The following TOP1 variants were observed in gnomAD, a reference collection of about 807,000 sequenced individuals.
TOP1 encodes the protein DNA topoisomerase 1.
TOP1 carries 10 observed loss-of-function variants against 111.1 expected under a neutral mutation model. The ratio of observed to expected loss-of-function variants is 0.09; its 90% confidence interval spans 0.06 to 0.15. The LOEUF is 0.15. Ranked by LOEUF, TOP1 falls within the 10% of genes least tolerant of loss-of-function variation. TOP1 has a pLI of 1.00. For synonymous variants in TOP1, 271 were observed against 302.9 expected (o/e 0.89, Z 1.10); for missense variants, 474 against 926.7 (o/e 0.51, Z 6.34).
Position 41,032,057 on chromosome 20 carries a change from A to G in TOP1, c.58+2602A>G, listed in dbSNP as rs1308893602. Among the ~76,000 whole-genome samples, 1 of 152,236 alleles carries G rather than the reference A, an allele frequency of 6.6e-6. No individual in the cohort carries two copies. The highest frequency in any genetic ancestry group is 2.4e-5 in the African/African-American group (1 of 41,462). On this transcript the variant is annotated intron_variant, in intron 2 of 20. Transcript: ENST00000361337. The surrounding 1 kb of genome is among the most constrained non-coding windows in gnomAD (Gnocchi z 4.3). ...TGTAACTATGAAAAAAACTTTAAAA[A>G]AAGTAGAAATCAATGTTTAATTATG... is the stretch of plus-strand genomic sequence containing the variant.
intron 2 of TOP1, among the ~76,000 whole-genome samples, chr20:41,056,495 T>G (rs2033473023): frequency 6.6e-6 from 1 of 152,154 alleles, no homozygotes; most frequent in Non-Finnish European, 1.5e-5. Context: ...TAACTTTTAT[T>G]TGTGTTTTAG....
chr20:41,082,520 T>G lies in TOP1; in HGVS notation c.507+1280T>G, dbSNP rs1421029881. On this transcript the variant is annotated intron_variant, in intron 7 of 20. Coordinates refer to ENST00000361337, the MANE Select transcript of TOP1 (RefSeq NM_003286.4). The surrounding 1 kb of genome is among the most constrained non-coding windows in gnomAD (Gnocchi z 4.1). ...CAGTGCCAGCACACCAGCTACTATA[T>G]TATCCTACCTCCCCTGGGACTTTGC... 6.6e-6 allele frequency among the ~76,000 whole-genome samples: 1 copy of G among 152,196 alleles called. No homozygotes were observed. Among genetic ancestry groups the G allele is most frequent in the Non-Finnish European group, 1.5e-5 (1 of 68,018 alleles).
intron 2 of TOP1, among the ~76,000 whole-genome samples, chr20:41,033,888 T>C (rs1484959242): frequency 6.6e-6 from 1 of 152,166 alleles, no homozygotes; most frequent in Non-Finnish European, 1.5e-5. Flanking sequence ...TCCAGTAAAC[T>C]GTGTTTGCTT....
Position 41,101,429 on chromosome 20 carries a change from C to T in TOP1, c.1308+76C>T. On this transcript the variant is annotated intron_variant, in intron 13 of 20. Transcript: ENST00000361337. The surrounding 1 kb of genome is among the most constrained non-coding windows in gnomAD (Gnocchi z 4.1). Reference sequence around the variant, plus strand: ...TTTGTTGAAATGTAACGTTCTCGTCCTCTAGAATCACTTTGACAAATTAAA... The same window carrying T: ...TTTGTTGAAATGTAACGTTCTCGTCTTCTAGAATCACTTTGACAAATTAAA... The T allele has an allele frequency of 7.0e-7, 1 of 1,428,666 alleles. No homozygotes were observed. Among genetic ancestry groups the T allele is most frequent in the South Asian group, 1.4e-5 (1 of 72,024 alleles). 88.5% of individuals were successfully genotyped at this position (1,428,666 alleles called of 1,614,324 possible). A position where few individuals can be genotyped will look rare whatever the true frequency, so the allele number is the denominator to read the frequency against.
At chr20:41,053,886 G>A (rs1207560745) in intron 2 of TOP1, among the ~76,000 whole-genome samples, 1 of 152,054 alleles carries the variant, frequency 6.6e-6, no homozygotes, top group African/African-American at 2.4e-5. Context: ...AGGCTGAATT[G>A]TTAGGCATGG....
chr20:41,090,117 G>A (rs1475053707), intron 8 of TOP1, among the ~76,000 whole-genome samples: 2 of 152,192 alleles, frequency 1.3e-5, no homozygotes, highest in African/African-American at 2.4e-5. Context: ...GAGATTACAG[G>A]CGTGCACCAC....
chr20:41,052,663 C>A (rs1600560852), intron 2 of TOP1, among the ~76,000 whole-genome samples: 2 of 151,952 alleles, frequency 1.3e-5, no homozygotes, highest in South Asian at 4.2e-4. Flanking sequence ...TCTAGAGTTA[C>A]AAGAAGTTAG....
rs2034285714 is a variant in TOP1 at position 41,113,875 on chromosome 20, G to A, written c.1453-95G>A. On this transcript the variant is annotated intron_variant, in intron 14 of 20. Transcript: ENST00000361337. ...TCTAGCCTGGCGACAGAGCGAGACT[G>A]TCTCAAAAAAAAAAAAAAAAAAAAC... is the stretch of plus-strand genomic sequence containing the variant. 3 of 944,380 alleles carry A rather than the reference G, an allele frequency of 3.2e-6. No individual in the cohort carries two copies. In the African/African-American group the frequency reaches 5.9e-5, roughly 18 times the overall value. 58.5% of individuals were successfully genotyped at this position (944,380 alleles called of 1,614,324 possible).
rs918007507 is a variant in TOP1 at position 41,067,242 on chromosome 20, C to T, written c.155+5752C>T. ...TCAAGCGATTCTCCTGCCTCAGCCT[C>T]CCGAGTAGCTGGGACTTACAGGCGC... On this transcript the variant is annotated intron_variant, in intron 3 of 20. Transcript: ENST00000361337. The surrounding 1 kb of genome is among the most constrained non-coding windows in gnomAD (Gnocchi z 4.0). Among the ~76,000 whole-genome samples the T allele has an allele frequency of 6.6e-6, 1 of 152,120 alleles. No homozygotes were observed. Among genetic ancestry groups the T allele is most frequent in the African/African-American group, 2.4e-5 (1 of 41,408 alleles).
At chr20:41,120,786 G>T (rs917164221) in intron 18 of TOP1, among the ~76,000 whole-genome samples, 1 of 152,168 alleles carries the variant, frequency 6.6e-6, no homozygotes, top group African/African-American at 2.4e-5. Context: ...CTGTTGCCCA[G>T]GCTGGAGTGC....
At position 41,101,400 on chromosome 20, in the gene TOP1, T is replaced by A; in HGVS notation, c.1308+47T>A. 6.4e-7 allele frequency: 1 copy of A among 1,557,870 alleles called. No individual in the cohort carries two copies. The highest frequency in any genetic ancestry group is 1.7e-4 in the Middle Eastern group (1 of 5,834). On this transcript the variant is annotated intron_variant, in intron 13 of 20. Coordinates refer to ENST00000361337, the MANE Select transcript of TOP1 (RefSeq NM_003286.4). This position sits in a 1 kb window ranked among gnomAD's most constrained non-coding sequence, Gnocchi z 4.1. Reference sequence around the variant, plus strand: ...GCACTGGTTCATGGTGCTGATAACCTTTTTTTGTTGAAATGTAACGTTCTC... The same window carrying A: ...GCACTGGTTCATGGTGCTGATAACCATTTTTTGTTGAAATGTAACGTTCTC...
chr20:41,104,964 C>A (rs1001458162), intron 13 of TOP1, among the ~76,000 whole-genome samples: 1 of 152,142 alleles, frequency 6.6e-6, no homozygotes, highest in Non-Finnish European at 1.5e-5. Context: ...ACATTTCAAA[C>A]ATACAGGAAT....
chr20:41,063,678 T>A (rs1388211149), intron 3 of TOP1, among the ~76,000 whole-genome samples: 3 of 152,220 alleles, frequency 2.0e-5, no homozygotes, highest in Admixed American at 2.0e-4. Context: ...TTTGCATTTC[T>A]CTGATGATTA....
chr20:41,054,585 A>AT (rs1297570947), intron 2 of TOP1, among the ~76,000 whole-genome samples: 1 of 152,168 alleles, frequency 6.6e-6, no homozygotes, highest in African/African-American at 2.4e-5. Flanking sequence ...TTGAGTTGAG[A>AT]TAGTGTTTGA....
rs1166522540 is a variant in TOP1 at position 41,071,498 on chromosome 20, C to T, written c.156-4673C>T. Among the ~76,000 whole-genome samples the T allele has an allele frequency of 1.3e-5, 2 of 152,150 alleles. No individual in the cohort carries two copies. The highest frequency in any genetic ancestry group is 4.8e-5 in the African/African-American group (2 of 41,410). ...TAGCTGGGATTACAGGCATGTGCCA[C>T]CACGCCCAGCTAATTTTTGTATTTT... On this transcript the variant is annotated intron_variant, in intron 3 of 20. Transcript: ENST00000361337. The surrounding 1 kb of genome is among the most constrained non-coding windows in gnomAD (Gnocchi z 4.3).
At chr20:41,039,802 G>C (rs570900022) in intron 2 of TOP1, among the ~76,000 whole-genome samples, 91 of 152,234 alleles carry the variant, frequency 6.0e-4, no homozygotes, top group African/African-American at 2.0e-3. Context: ...AGCTACTTGG[G>C]AGGCTGAGGC....
chr20:41,029,090 A>G lies in TOP1; in HGVS notation c.23A>G (p.Asn8Ser), dbSNP rs2033080135. 1 of 1,534,324 alleles carries G rather than the reference A, an allele frequency of 6.5e-7. No homozygotes were observed. Among genetic ancestry groups the G allele is most frequent in the Non-Finnish European group, 8.7e-7 (1 of 1,143,942 alleles). Residue 8 changes from asparagine (N) to serine (S), a missense_variant, in exon 1 of 21, where the codon AAC becomes AGC. Coordinates refer to ENST00000361337, the MANE Select transcript of TOP1 (RefSeq NM_003286.4). This position sits in a 1 kb window ranked among gnomAD's most constrained non-coding sequence, Gnocchi z 6.1. ...GACATGAGTGGGGACCACCTCCACA[A>G]CGATTCCCAGGTACGGCCCGGCCTG... Reference protein sequence around the residue: MSGDHLHNDSQIEADFRL... With the variant: MSGDHLHSDSQIEADFRL...
At chr20:41,063,430 A>T (rs1183752684) in intron 3 of TOP1, among the ~76,000 whole-genome samples, 1 of 152,144 alleles carries the variant, frequency 6.6e-6, no homozygotes, top group Admixed American at 6.5e-5. Context: ...TAGTAAAATG[A>T]TTTGTTTTCT....
chr20:41,045,457 G>C (rs576178162), intron 2 of TOP1, among the ~76,000 whole-genome samples: 1 of 152,296 alleles, frequency 6.6e-6, no homozygotes, highest in East Asian at 1.9e-4. Flanking sequence ...TCAGGCAGTT[G>C]TACGTTTTAT....
Sources: allele counts gnomAD v4.1 joint callset (sites outside exome capture counted in the v4.1 genomes callset), GRCh38; gene constraint gnomAD v4.1.1; non-coding constraint Gnocchi (gnomAD v3.1); transcripts MANE v1.5; gene names NCBI Gene and HGNC (gene_info 2026-07-23, HGNC 2026-07-21).